NTRK2: variants seen among roughly 807,000 people sequenced by gnomAD.
NTRK2 encodes the protein neurotrophic receptor tyrosine kinase 2.
In NTRK2, 13 loss-of-function variants were observed where a neutral mutation model predicts 94.5. That is an observed-to-expected ratio of 0.14 (90% confidence interval 0.09 to 0.22). NTRK2 has a LOEUF of 0.22. Ranked by LOEUF, NTRK2 falls within the 10% of genes least tolerant of loss-of-function variation. The probability of loss-of-function intolerance (pLI) is 1.00; values close to 1 mark genes in which losing one functional copy is unlikely to be tolerated. For synonymous variants in NTRK2, 372 were observed against 407.4 expected (o/e 0.91, Z 1.05); for missense variants, 639 against 1,071.2 (o/e 0.60, Z 5.63).
intron 12 of NTRK2, among the ~76,000 whole-genome samples, chr9:84,793,554 TG>T (rs1360178913): frequency 6.6e-6 from 1 of 152,220 alleles, no homozygotes; most frequent in Non-Finnish European, 1.5e-5. Context: ...ACCTGCCCCA[TG>T]CATTCGCTTC....
intron 17 of NTRK2, among the ~76,000 whole-genome samples, chr9:85,013,470 T>C (rs1449307779): frequency 6.6e-6 from 1 of 152,078 alleles, no homozygotes; most frequent in Non-Finnish European, 1.5e-5. Flanking sequence ...CCATGGCTAA[T>C]TTTTGTATTT....
chr9:84,739,722 A>T (rs10746747), intron 9 of NTRK2, among the ~76,000 whole-genome samples: 87,830 of 151,800 alleles, frequency 0.58, 27,047 homozygotes, highest in South Asian at 0.68. Flanking sequence ...TCCCAGGCTA[A>T]GGAGTGAAAG....
In NTRK2 at chr9:84,688,591, G is replaced by A. The variant is rs549259602; in HGVS notation, c.213-13568G>A. Among the ~76,000 whole-genome samples, 3 of 152,268 alleles carry A rather than the reference G, an allele frequency of 2.0e-5. No homozygotes were observed. In the East Asian group the frequency reaches 5.8e-4, roughly 29 times the overall value. ...CAGCAGTCAATGAGAATTGTTAAAC[G>A]TCATTAGCTACCAGCTTCCTCCTTT... On this transcript the variant is annotated intron_variant, in intron 2 of 18. Coordinates refer to ENST00000277120, the MANE Select transcript of NTRK2 (RefSeq NM_006180.6).
Position 84,926,106 on chromosome 9 carries a change from T to C in NTRK2, c.1634-8056T>C, listed in dbSNP as rs139730638. On this transcript the variant is annotated intron_variant, in intron 14 of 18. Coordinates refer to ENST00000277120, the MANE Select transcript of NTRK2 (RefSeq NM_006180.6). ...TTCCCTTCCTTCCTTCCTTCCTTCCTTTCCTTCCTTCCTTCCTTCCTTCCT... is the reference window on the plus strand; with the variant it reads ...TTCCCTTCCTTCCTTCCTTCCTTCCCTTCCTTCCTTCCTTCCTTCCTTCCT... 3.2e-3 allele frequency among the ~76,000 whole-genome samples: 348 copies of C among 108,826 alleles called. 8 individuals are homozygous for C. The highest frequency in any genetic ancestry group is 0.013 in the African/African-American group (324 of 25,640). 71.4% of individuals were successfully genotyped at this position (108,826 alleles called of 152,430 possible). A position where few individuals can be genotyped will look rare whatever the true frequency, so the allele number is the denominator to read the frequency against.
intron 17 of NTRK2, among the ~76,000 whole-genome samples, chr9:84,970,283 G>A (rs1429335435): frequency 6.6e-6 from 1 of 151,946 alleles, no homozygotes; most frequent in African/African-American, 2.4e-5. Flanking sequence ...TGTAATCCCA[G>A]CTACTTGGGA....
chr9:84,846,051 G>A (rs1215346577), intron 12 of NTRK2, among the ~76,000 whole-genome samples: 2 of 152,168 alleles, frequency 1.3e-5, no homozygotes, highest in Non-Finnish European at 2.9e-5. Context: ...GGTTGAATAA[G>A]CCCAAGGACA....
intron 14 of NTRK2, among the ~76,000 whole-genome samples, chr9:84,904,237 T>G (rs917175951): frequency 6.6e-6 from 1 of 152,226 alleles, no homozygotes; most frequent in Non-Finnish European, 1.5e-5. Context: ...GGTTTAATTA[T>G]TAATGGAATT....
chr9:84,796,372 T>A (rs1036949985), intron 12 of NTRK2, among the ~76,000 whole-genome samples: 2 of 152,076 alleles, frequency 1.3e-5, no homozygotes, highest in South Asian at 4.2e-4. Context: ...AGAAGATCCT[T>A]CCCCCTTACC....
chr9:84,917,988 C>T (rs188979832), intron 14 of NTRK2, among the ~76,000 whole-genome samples: 13 of 152,102 alleles, frequency 8.5e-5, no homozygotes, highest in Admixed American at 4.6e-4. Context: ...GCCCACACAC[C>T]GAAATCAAGA....
chr9:84,861,672 A>G (rs531797994), intron 13 of NTRK2, among the ~76,000 whole-genome samples: 2 of 152,314 alleles, frequency 1.3e-5, no homozygotes, highest in Non-Finnish European at 2.9e-5. Flanking sequence ...TCCTCATTAG[A>G]ATTGAAATCA....
At chr9:84,980,650 T>G (rs1444642496) in intron 17 of NTRK2, among the ~76,000 whole-genome samples, 3 of 152,162 alleles carry the variant, frequency 2.0e-5, no homozygotes, top group African/African-American at 2.4e-5. Flanking sequence ...CCCTCTGACT[T>G]TCTATTAGTT....
chr9:85,012,472 T>G (rs1203204500), intron 17 of NTRK2, among the ~76,000 whole-genome samples: 1 of 152,124 alleles, frequency 6.6e-6, no homozygotes, highest in Non-Finnish European at 1.5e-5. Context: ...AGTCCTCCCC[T>G]CCTCTCAGTT....
chr9:84,801,930 C>T (rs953058822), intron 12 of NTRK2, among the ~76,000 whole-genome samples: 2 of 152,184 alleles, frequency 1.3e-5, no homozygotes, highest in Admixed American at 1.3e-4. Flanking sequence ...AAATTTTTTA[C>T]TGCTTTCGCA....
chr9:84,909,148 T>C (rs2077163487), intron 14 of NTRK2, among the ~76,000 whole-genome samples: 1 of 152,162 alleles, frequency 6.6e-6, no homozygotes, highest in Admixed American at 6.6e-5. Flanking sequence ...TTTATCATAA[T>C]GTTATATATA....
chr9:84,948,658 C>A (rs2078677314), intron 16 of NTRK2, 24 bp downstream of exon 16: 7 of 1,612,586 alleles, frequency 4.3e-6, no homozygotes, highest in Non-Finnish European at 5.9e-6. Flanking sequence ...GGGAGGTGGG[C>A]TCCAGGAGGG....
chr9:84,898,668 C>T (rs759641974), intron 14 of NTRK2, among the ~76,000 whole-genome samples: 35 of 151,828 alleles, frequency 2.3e-4, no homozygotes, highest in Non-Finnish European at 3.5e-4. Flanking sequence ...TGGGAAGACC[C>T]TTCTGAGCCC....
chr9:84,765,689 T>C (rs768185819), intron 12 of NTRK2, among the ~76,000 whole-genome samples: 2 of 152,114 alleles, frequency 1.3e-5, no homozygotes, highest in Non-Finnish European at 2.9e-5. Flanking sequence ...ACGTGACTAG[T>C]ATTGTCTTGC....
chr9:84,689,910 C>CT (rs939044492), intron 2 of NTRK2, among the ~76,000 whole-genome samples: 28 of 151,528 alleles, frequency 1.8e-4, no homozygotes, highest in East Asian at 9.7e-4. Context: ...GAATTAAAAG[C>CT]TTTTTTTTTA....
chr9:85,026,808 A>C lies in NTRK2; in HGVS notation c.*5371A>C, dbSNP rs1014580477. On this transcript the variant is annotated 3_prime_UTR_variant, in exon 19 of 19. Coordinates refer to ENST00000277120, the MANE Select transcript of NTRK2 (RefSeq NM_006180.6). ...TTTTCATTTGGCTTATCTTCCTTTTAATGTGATGTCTCTGTGCTAATACTT... is the reference window on the plus strand; with the variant it reads ...TTTTCATTTGGCTTATCTTCCTTTTCATGTGATGTCTCTGTGCTAATACTT... The C allele has an allele frequency of 1.7e-5, 4 of 232,774 alleles. No homozygotes were observed. Among genetic ancestry groups the C allele is most frequent in the Middle Eastern group, 1.2e-3 (1 of 804 alleles). 14.4% of individuals were successfully genotyped at this position (232,774 alleles called of 1,614,324 possible).
Sources: allele counts gnomAD v4.1 joint callset (sites outside exome capture counted in the v4.1 genomes callset), GRCh38; gene constraint gnomAD v4.1.1; transcripts MANE v1.5; gene names NCBI Gene and HGNC (gene_info 2026-07-23, HGNC 2026-07-21).